ALG9: variants seen among roughly 807,000 people sequenced by gnomAD.
ALG9 encodes ALG9 alpha-1,2-mannosyltransferase, also known as alpha-1,2-mannosyltransferase ALG9.
Under a neutral mutation model 81.8 loss-of-function variants are expected in ALG9, and 55 were observed. That is an observed-to-expected ratio of 0.67 (90% confidence interval 0.54 to 0.84). The LOEUF (loss-of-function observed/expected upper bound fraction) is 0.84. Ranked by LOEUF, ALG9 falls within the 40% of genes least tolerant of loss-of-function variation. The probability of loss-of-function intolerance (pLI) is 0.00; values close to 1 mark genes in which losing one functional copy is unlikely to be tolerated. For missense variants in ALG9, 629 were observed against 745.0 expected, an observed-to-expected ratio of 0.84 and a Z score of 1.81; for synonymous variants, 278 against 274.3, an observed-to-expected ratio of 1.01 and a Z score of -0.13.
Position 111,785,123 on chromosome 11 carries a change from A to C in ALG9, c.*1274T>G, listed in dbSNP as rs1946334480. The C allele has an allele frequency of 6.6e-6, 1 of 152,646 alleles. No homozygotes were observed. The highest frequency in any genetic ancestry group is 2.1e-4 in the South Asian group (1 of 4,836). The allele number at this position is 152,646 out of a possible 1,614,324, so 9.5% of individuals were successfully genotyped here. ...TATGGAGGAGCAATAGATGAGAGTA[A>C]GGAAACCTGGGTTCCAGTCCCAGCT... On this transcript the variant is annotated 3_prime_UTR_variant, in exon 15 of 15. Coordinates refer to ENST00000616540, the MANE Select transcript of ALG9 (RefSeq NM_024740.2).
intron 14 of ALG9, among the ~76,000 whole-genome samples, chr11:111,786,898 C>A (rs888044837): frequency 3.9e-5 from 6 of 152,146 alleles, no homozygotes; most frequent in Non-Finnish European, 8.8e-5. Flanking sequence ...GCCAAGTACT[C>A]AAATGACCTG....
rs1403684974 is a variant in ALG9 at position 111,858,345 on chromosome 11, G to T, written c.566-608C>A. On this transcript the variant is annotated intron_variant, in intron 5 of 14. Transcript: ENST00000616540. ...ACTCATAGAATTCCACGCTCCCCAG[G>T]AACACCCCATGATTATATTTCCAGG... Among the ~76,000 whole-genome samples the T allele has an allele frequency of 2.0e-5, 3 of 151,992 alleles. No individual in the cohort carries two copies. In the East Asian group the frequency reaches 5.8e-4, roughly 29 times the overall value.
At chr11:111,780,144 G>A (rs993096825), downstream of ALG9, among the ~76,000 whole-genome samples, 5 of 152,258 alleles carry the variant, frequency 3.3e-5, no homozygotes, top group Admixed American at 2.6e-4. Flanking sequence ...CACACCTGGA[G>A]GAGAGGCTTT....
intron 13 of ALG9, among the ~76,000 whole-genome samples, chr11:111,820,100 T>C: frequency 6.6e-6 from 1 of 152,224 alleles, no homozygotes; most frequent in East Asian, 1.9e-4. Flanking sequence ...TGGTGTCTGG[T>C]AAGGGCCTTC....
chr11:111,857,587 C>T lies in ALG9; in HGVS notation c.701+15G>A. 6.2e-7 allele frequency: 1 copy of T among 1,614,038 alleles called. No individual in the cohort carries two copies. Among genetic ancestry groups the T allele is most frequent in the Non-Finnish European group, 8.5e-7 (1 of 1,179,962 alleles). On this transcript the variant is annotated intron_variant, in intron 6 of 14. Coordinates refer to ENST00000616540, the MANE Select transcript of ALG9 (RefSeq NM_024740.2). ...TGCCCAGCGATATATGGGAGGAGAACTGTTAGTTTCTTACCCAAGAGCTGC... is the reference window on the plus strand; with the variant it reads ...TGCCCAGCGATATATGGGAGGAGAATTGTTAGTTTCTTACCCAAGAGCTGC...
At chr11:111,814,164 T>C (rs569637912) in intron 13 of ALG9, among the ~76,000 whole-genome samples, 2 of 152,274 alleles carry the variant, frequency 1.3e-5, no homozygotes, top group South Asian at 2.1e-4. Context: ...GGTAAAGTCA[T>C]ACAATGAAAT....
intron 13 of ALG9, among the ~76,000 whole-genome samples, chr11:111,824,697 C>T (rs1219085391): frequency 6.6e-6 from 1 of 152,200 alleles, no homozygotes. Flanking sequence ...CTGCTATATA[C>T]TTTACAATCT....
chr11:111,781,060 G>T (rs1279132754), downstream of ALG9, among the ~76,000 whole-genome samples: 2 of 152,178 alleles, frequency 1.3e-5, no homozygotes, highest in Non-Finnish European at 2.9e-5. Context: ...GTAACAAATA[G>T]GGAGAAAGAT....
downstream of ALG9, among the ~76,000 whole-genome samples, chr11:111,780,456 G>A (rs1945871317): frequency 6.6e-6 from 1 of 151,054 alleles, no homozygotes; most frequent in African/African-American, 2.4e-5. Flanking sequence ...GAGTGCAGTG[G>A]CGTGATCTTG....
intron 13 of ALG9, among the ~76,000 whole-genome samples, chr11:111,824,406 G>A (rs901635142): frequency 7.9e-5 from 12 of 151,974 alleles, no homozygotes; most frequent in South Asian, 2.1e-4. Context: ...TTTTCTTTAC[G>A]GGTTGTATAT....
chr11:111,802,020 G>A (rs544095179), intron 14 of ALG9, among the ~76,000 whole-genome samples: 11 of 152,188 alleles, frequency 7.2e-5, no homozygotes, highest in Non-Finnish European at 1.6e-4. Context: ...CTCTCCAGCT[G>A]TCTCCTATTA....
At chr11:111,858,497 C>A (rs1408571975) in intron 5 of ALG9, among the ~76,000 whole-genome samples, 1 of 152,220 alleles carries the variant, frequency 6.6e-6, no homozygotes, top group South Asian at 2.1e-4. Context: ...TAGAAAGCCT[C>A]CTCAAGGGCC....
intron 14 of ALG9, among the ~76,000 whole-genome samples, chr11:111,805,833 T>C (rs1463678669): frequency 6.6e-6 from 1 of 152,158 alleles, no homozygotes; most frequent in African/African-American, 2.4e-5. Context: ...GGTTCATCCA[T>C]TGCTTTTTTG....
At chr11:111,854,495 T>G (rs573047533) in intron 6 of ALG9, among the ~76,000 whole-genome samples, 1 of 152,138 alleles carries the variant, frequency 6.6e-6, no homozygotes, top group South Asian at 2.1e-4. Flanking sequence ...GGTCTCAAAC[T>G]CCTGACCTCA....
At chr11:111,826,148 G>A (rs1363580619) in intron 13 of ALG9, among the ~76,000 whole-genome samples, 3 of 149,896 alleles carry the variant, frequency 2.0e-5, no homozygotes, top group African/African-American at 7.3e-5. Context: ...CACTTTGGGA[G>A]GTCAAGGTGG....
intron 13 of ALG9, among the ~76,000 whole-genome samples, chr11:111,822,649 A>C (rs1565865785): frequency 6.6e-6 from 1 of 151,520 alleles, no homozygotes. Flanking sequence ...GGAAGTTGAG[A>C]CTGTAGTGAG....
intron 8 of ALG9, 135 bp from the exon 9 acceptor site, chr11:111,844,858 T>A: frequency 1.1e-6 from 1 of 940,068 alleles, no homozygotes; most frequent in Non-Finnish European, 1.7e-6. Context: ...CACAGCCCAC[T>A]CTTCCCATGC....
rs555760716 is a variant in ALG9 at position 111,871,462 on chromosome 11, C to G, written c.21G>C (p.Arg7=). The change falls in exon 1 of 15, where the codon CGG becomes CGC. Residue 7 remains arginine (R), a synonymous_variant. Transcript: ENST00000616540. MASRGA[R]QRLKGSGASS... is the part of the protein sequence containing the mutation. The stretch of plus-strand genomic sequence containing the variant: ...TGGCCCCGCTGCCCTTCAGGCGCTG[C>G]CGAGCCCCTCGACTAGCCATGGCAA... 31 of 1,536,758 alleles carry G rather than the reference C, an allele frequency of 2.0e-5. No homozygotes were observed. The African/African-American group carries it at 4.1e-4, about 20-fold the overall frequency.
At chr11:111,827,607 C>A (rs531824945) in intron 13 of ALG9, among the ~76,000 whole-genome samples, 2 of 152,196 alleles carry the variant, frequency 1.3e-5, no homozygotes, top group Admixed American at 6.5e-5. Flanking sequence ...TGGCTCACGC[C>A]TATAATCCCA....
Sources: gnomAD v4.1 joint callset for allele counts (sites outside exome capture counted in the v4.1 genomes callset) on GRCh38, gnomAD v4.1.1 for gene constraint, MANE v1.5 for transcripts, NCBI Gene and HGNC (gene_info 2026-07-23, HGNC 2026-07-21) for gene names.